The following TANC2 variants were observed in gnomAD, a reference collection of about 807,000 sequenced individuals.
The protein encoded by TANC2 is tetratricopeptide repeat, ankyrin repeat and coiled-coil containing 2.
TANC2 carries 26 observed loss-of-function variants against 210.5 expected under a neutral mutation model. The ratio of observed to expected loss-of-function variants is 0.12; its 90% confidence interval spans 0.09 to 0.17. The LOEUF is 0.17. TANC2 is among the 10% of genes least tolerant of loss of function. The pLI is 1.00. For synonymous variants in TANC2, 931 were observed against 967.1 expected, an observed-to-expected ratio of 0.96 and a Z score of 0.69; for missense variants, 2,129 against 2,608.9, an observed-to-expected ratio of 0.82 and a Z score of 4.01.
chr17:63,226,294 A>G (rs2042326821), intron 7 of TANC2, among the ~76,000 whole-genome samples: 1 of 152,188 alleles, frequency 6.6e-6, no homozygotes. Flanking sequence ...TCCAAAATGT[A>G]AGTTTAATTA....
chr17:63,097,104 G>GC (rs2037416570), intron 3 of TANC2, among the ~76,000 whole-genome samples: 1 of 151,470 alleles, frequency 6.6e-6, no homozygotes, highest in Non-Finnish European at 1.5e-5. Flanking sequence ...GCAGTGGTGT[G>GC]ATCATGGCTC....
intron 13 of TANC2, among the ~76,000 whole-genome samples, chr17:63,354,043 A>C (rs575047538): frequency 9.2e-5 from 14 of 152,262 alleles, no homozygotes; most frequent in African/African-American, 3.4e-4. Context: ...GGAAGGAAGA[A>C]TATGGAGTTT....
intron 6 of TANC2, 35 bp from the exon 7 acceptor site, chr17:63,200,736 G>A: frequency 6.3e-7 from 1 of 1,579,772 alleles, no homozygotes; most frequent in South Asian, 1.1e-5. Context: ...CAGCTGATCA[G>A]GTTATCTTAC....
chr17:63,424,786 C>A (rs2049105481), exon 28 of TANC2: 1 of 152,102 alleles, frequency 6.6e-6, no homozygotes, highest in Non-Finnish European at 1.5e-5. Context: ...AGCAGAACCG[C>A]TCTTGTCTTT....
intron 5 of TANC2, among the ~76,000 whole-genome samples, chr17:63,189,222 C>G (rs544759436): frequency 3.9e-5 from 6 of 152,248 alleles, no homozygotes; most frequent in Non-Finnish European, 7.4e-5. Context: ...ATGAATAACA[C>G]TGCTATGACC....
At chr17:63,329,910 A>C (rs1462702628) in intron 11 of TANC2, among the ~76,000 whole-genome samples, 1 of 152,228 alleles carries the variant, frequency 6.6e-6, no homozygotes, top group Admixed American at 6.5e-5. Context: ...AATTAAATTT[A>C]GTGAGGAAGG....
rs934930512 is a variant in TANC2, at chr17:63,185,201, G to A, written c.434-8790G>A. Among the ~76,000 whole-genome samples the A allele has an allele frequency of 1.5e-4, 23 of 151,598 alleles. 1 individual carries two copies. The highest frequency in any genetic ancestry group is 4.8e-4 in the African/African-American group (20 of 41,250). ...GTTTTTTTGGAGCTAGGGTTTTGCC[G>A]TGTCACCCAGGCTCGAATAGCTGGG... On this transcript the variant is annotated intron_variant, in intron 5 of 27. Transcript: ENST00000689528.
chr17:63,140,522 A>G (rs1212387573), intron 4 of TANC2, among the ~76,000 whole-genome samples: 2 of 152,140 alleles, frequency 1.3e-5, no homozygotes, highest in African/African-American at 2.4e-5. Flanking sequence ...TGCAGGGACT[A>G]TGTCACTTCT....
chr17:63,101,462 C>G (rs2037618027), intron 4 of TANC2, among the ~76,000 whole-genome samples: 1 of 152,166 alleles, frequency 6.6e-6, no homozygotes, highest in Non-Finnish European at 1.5e-5. Flanking sequence ...TCATCATATT[C>G]TATTTTCTTT....
intron 6 of TANC2, among the ~76,000 whole-genome samples, chr17:63,198,473 G>C (rs1249856077): frequency 1.3e-5 from 2 of 152,150 alleles, no homozygotes; most frequent in Non-Finnish European, 2.9e-5. Context: ...TGGGATTACA[G>C]ACATAGGCCA....
chr17:63,028,041 G>A (rs138055358), intron 2 of TANC2, among the ~76,000 whole-genome samples: 1 of 151,904 alleles, frequency 6.6e-6, no homozygotes, highest in East Asian at 1.9e-4. Context: ...GATTCTTTGA[G>A]TTGTCACTAA....
chr17:63,270,410 A>G (rs1169005085), intron 9 of TANC2, among the ~76,000 whole-genome samples: 2 of 152,068 alleles, frequency 1.3e-5, no homozygotes, highest in African/African-American at 4.8e-5. Flanking sequence ...AAAAAATCAG[A>G]TTTGTTTTCC....
chr17:63,156,700 T>G (rs946255988), intron 5 of TANC2, among the ~76,000 whole-genome samples: 2 of 152,088 alleles, frequency 1.3e-5, no homozygotes, highest in African/African-American at 4.8e-5. Flanking sequence ...TTCCTATCCA[T>G]GTAAGTTCTT....
intron 11 of TANC2, among the ~76,000 whole-genome samples, chr17:63,324,954 C>T (rs2045599931): frequency 6.6e-6 from 1 of 151,526 alleles, no homozygotes; most frequent in Non-Finnish European, 1.5e-5. Context: ...TCCTCCTTGC[C>T]CTTGAATGAA....
In TANC2 at chr17:63,420,285, C is replaced by G. The variant is rs1376384903; in HGVS notation, c.4555C>G (p.Gln1519Glu). Residue 1519 changes from glutamine (Q) to glutamate (E), a missense_variant, in exon 28 of 28, where the codon CAG becomes GAG. Around this residue, in one of 5 missense-constraint regions of TANC2, gnomAD observed 584 missense variants for 627.3 expected, o/e 0.93. Transcript: ENST00000689528. The surrounding 1 kb of genome is among the most constrained non-coding windows in gnomAD (Gnocchi z 4.2). ...CCTCCAGACAGAGGCCCGGCCCAGC[C>G]AGGGGCTCCCGGTCATCCAGAGCCC... is the stretch of plus-strand genomic sequence containing the variant. 1 of 1,613,944 alleles carries G rather than the reference C, an allele frequency of 6.2e-7. No homozygotes were observed. The highest frequency in any genetic ancestry group is 1.7e-5 in the Admixed American group (1 of 60,024).
Position 63,422,137 on chromosome 17 carries a change from C to T in TANC2, c.*182C>T. On this transcript the variant is annotated 3_prime_UTR_variant, in exon 28 of 28. Transcript: ENST00000689528. ...GACTGGGAAGCGGCCTCCCGGGAGCCAGGACTTCAGTTTCTCTTGTCTGTG... is the reference window on the plus strand; with the variant it reads ...GACTGGGAAGCGGCCTCCCGGGAGCTAGGACTTCAGTTTCTCTTGTCTGTG... The T allele has an allele frequency of 4.5e-6, 3 of 663,336 alleles. No homozygotes were observed. The Admixed American group carries it at 1.0e-4, about 22-fold the overall frequency. 41.1% of individuals were successfully genotyped at this position (663,336 alleles called of 1,614,324 possible).
At chr17:63,010,261 A>G (rs2033806010) in intron 2 of TANC2, among the ~76,000 whole-genome samples, 1 of 152,076 alleles carries the variant, frequency 6.6e-6, no homozygotes, top group African/African-American at 2.4e-5. Context: ...ATTTATTGTC[A>G]TTGATTTCAA....
intron 4 of TANC2, among the ~76,000 whole-genome samples, chr17:63,128,498 A>C (rs1019821730): frequency 2.0e-5 from 3 of 152,364 alleles, no homozygotes; most frequent in Admixed American, 2.0e-4. Context: ...TATACATTTT[A>C]GTGCAGTTTA....
chr17:63,110,537 CT>C (rs758496037), intron 4 of TANC2, among the ~76,000 whole-genome samples: 61 of 148,846 alleles, frequency 4.1e-4, no homozygotes, highest in Admixed American at 9.2e-4. Context: ...GTTTGGTTGT[CT>C]GGTGAGGGCT....
Sources: allele counts gnomAD v4.1 joint callset (sites outside exome capture counted in the v4.1 genomes callset), GRCh38; gene constraint gnomAD v4.1.1; regional missense constraint gnomAD v4.1.1; non-coding constraint Gnocchi (gnomAD v3.1); transcripts MANE v1.5; gene names NCBI Gene and HGNC (gene_info 2026-07-23, HGNC 2026-07-21).